The following CELSR2 variants were observed in gnomAD, a reference collection of about 807,000 sequenced individuals.
CELSR2 encodes the protein cadherin EGF LAG seven-pass G-type receptor 2, also known as EGF-like protein 2.
In CELSR2, 81 loss-of-function variants were observed where a neutral mutation model predicts 251.6. That is an observed-to-expected ratio of 0.32 (90% confidence interval 0.27 to 0.39). The LOEUF is 0.39. Ranked by LOEUF, CELSR2 falls within the 10% of genes least tolerant of loss-of-function variation. The probability of loss-of-function intolerance (pLI) is 1.00; values close to 1 mark genes in which losing one functional copy is unlikely to be tolerated. For missense variants in CELSR2, 3,365 were observed against 3,947.7 expected (o/e 0.85, Z 3.96); for synonymous variants, 1,721 against 1,670.5 (o/e 1.03, Z -0.74).
chr1:109,258,814 C>T lies in CELSR2; in HGVS notation c.3693C>T (p.Ile1231=). 1 of 1,611,964 alleles carries T rather than the reference C, an allele frequency of 6.2e-7. No homozygotes were observed. The highest frequency in any genetic ancestry group is 8.5e-7 in the Non-Finnish European group (1 of 1,179,118). Reference sequence around the variant, plus strand: ...GCGTGCTGCCCTTCGACGACAACATCTGCCTGCGGGAGCCCTGCGAGAACT... The same window carrying T: ...GCGTGCTGCCCTTCGACGACAACATTTGCCTGCGGGAGCCCTGCGAGAACT... ...AQRVLPFDDN[I]CLREPCENYM... Residue 1231 remains isoleucine (I), a synonymous_variant, in exon 2 of 34, where the codon ATC becomes ATT. Transcript: ENST00000271332.
chr1:109,255,202 G>A (rs1655811987), intron 1 of CELSR2, among the ~76,000 whole-genome samples: 1 of 152,212 alleles, frequency 6.6e-6, no homozygotes. Context: ...GTGAGGGGGA[G>A]CTGACTCCCA....
At chr1:109,266,561 T>A (rs2101266163) in intron 15 of CELSR2, 1 of 121,146 alleles carries the variant, frequency 8.3e-6, no homozygotes, top group African/African-American at 3.1e-5. Context: ...CCTGGCTAAT[T>A]TTTTTTTTTT....
intron 1 of CELSR2, among the ~76,000 whole-genome samples, chr1:109,257,727 G>A (rs12731760): frequency 0.057 from 8,659 of 152,156 alleles, 335 homozygotes; most frequent in Non-Finnish European, 0.089. Flanking sequence ...CCCCCACCCC[G>A]ACTCACCCTG....
rs772069055 is a variant in CELSR2, at chr1:109,258,691, G to T, written c.3570G>T (p.Pro1190=). ...ILNVSLSVGQ[P]PGPGGGPPFL... Reference sequence around the variant, plus strand: ...ACGTGAGCCTGTCGGTGGGCCAGCCGCCAGGGCCCGGGGGCGGGCCGCCCT... The same window carrying T: ...ACGTGAGCCTGTCGGTGGGCCAGCCTCCAGGGCCCGGGGGCGGGCCGCCCT... The change falls in exon 2 of 34, where the codon CCG becomes CCT. Residue 1190 remains proline (P), a synonymous_variant. Coordinates refer to ENST00000271332, the MANE Select transcript of CELSR2 (RefSeq NM_001408.3). 3 of 1,547,856 alleles carry T rather than the reference G, an allele frequency of 1.9e-6. No individual in the cohort carries two copies. Among genetic ancestry groups the T allele is most frequent in the Non-Finnish European group, 1.7e-6 (2 of 1,145,328 alleles).
At position 109,269,375 on chromosome 1, in the gene CELSR2, C is replaced by G. The variant is rs759152699; in HGVS notation, c.6813-49C>G. The G allele has an allele frequency of 4.3e-6, 7 of 1,609,966 alleles. No individual in the cohort carries two copies. The highest frequency in any genetic ancestry group is 5.9e-6 in the Non-Finnish European group (7 of 1,177,758). On this transcript the variant is annotated intron_variant, in intron 20 of 33. Coordinates refer to ENST00000271332, the MANE Select transcript of CELSR2 (RefSeq NM_001408.3). This position sits in a 1 kb window ranked among gnomAD's most constrained non-coding sequence, Gnocchi z 6.4. ...ATGGAGGGGGTCGGGGGCGTCTCCC[C>G]AGTCATGTGACTGCCGTGGTGACTG... is the stretch of plus-strand genomic sequence containing the variant.
chr1:109,251,265 G>GC lies in CELSR2; in HGVS notation c.1192dup (p.Gln398ProfsTer3), dbSNP rs1655679751. 1 of 1,613,908 alleles carries GC rather than the reference G, an allele frequency of 6.2e-7. No individual in the cohort carries two copies. Among genetic ancestry groups the GC allele is most frequent in the Non-Finnish European group, 8.5e-7 (1 of 1,179,996 alleles). On this transcript the variant is annotated frameshift_variant, in exon 1 of 34. Coordinates refer to ENST00000271332, the MANE Select transcript of CELSR2 (RefSeq NM_001408.3). LOFTEE classifies it high-confidence loss of function. This position sits in a 1 kb window ranked among gnomAD's most constrained non-coding sequence, Gnocchi z 4.9. ...TTCTGTGGAGGATGACAATGATAATGCCCCCCAGTTTAGTGAGAAGCGCTA... is the reference window on the plus strand; with the variant it reads ...TTCTGTGGAGGATGACAATGATAATGCCCCCCCAGTTTAGTGAGAAGCGCTA...
chr1:109,266,247 C>T lies in CELSR2; in HGVS notation c.6013+41C>T, dbSNP rs184760987. The stretch of plus-strand genomic sequence containing the variant: ...CCCGATGTGATGTCGAGGACATGGC[C>T]TCTGCTGTTAGTGGGATGAGGGCAG... On this transcript the variant is annotated intron_variant, in intron 15 of 33. Coordinates refer to ENST00000271332, the MANE Select transcript of CELSR2 (RefSeq NM_001408.3). 505 of 1,605,390 alleles carry T rather than the reference C, an allele frequency of 3.1e-4. 1 individual carries two copies. The African/African-American group carries it at 6.2e-3, about 20-fold the overall frequency.
At position 109,266,130 on chromosome 1, in the gene CELSR2, G is replaced by A. The variant is rs764148863; in HGVS notation, c.5937G>A (p.Ala1979=). Residue 1979 remains alanine, a synonymous_variant, in exon 15 of 34, where the codon GCG becomes GCA. Coordinates refer to ENST00000271332, the MANE Select transcript of CELSR2 (RefSeq NM_001408.3). ...CEVNYDSCPR[A]IEAGIWWPRT... ...TGAATTATGACAGCTGCCCACGAGC[G>A]ATTGAGGCTGGGATCTGGTGGCCCC... is the stretch of plus-strand genomic sequence containing the variant. 29 of 1,613,998 alleles carry A rather than the reference G, an allele frequency of 1.8e-5. No homozygotes were observed. The highest frequency in any genetic ancestry group is 1.6e-4 in the Middle Eastern group (1 of 6,084).
Position 109,273,568 on chromosome 1 carries a change from G to T in CELSR2, c.8642G>T (p.Arg2881Leu), listed in dbSNP as rs761753467. The change falls in exon 33 of 34, where the codon CGC becomes CTC. Residue 2881 changes from arginine (R) to leucine (L), a missense_variant. By Grantham distance (102) the Arg-to-Leu change is moderately radical. This residue lies in a region of CELSR2 where 2,093 missense variants were observed against 2,382.8 expected (regional missense o/e 0.88). Coordinates refer to ENST00000271332, the MANE Select transcript of CELSR2 (RefSeq NM_001408.3). ...SEGSRGGPPP[R>L]PPPRQSLQEQ... Reference sequence around the variant, plus strand: ...GGCAGCCGGGGAGGCCCCCCTCCCCGCCCACCGCCCCGGCAGAGCCTCCAG... The same window carrying T: ...GGCAGCCGGGGAGGCCCCCCTCCCCTCCCACCGCCCCGGCAGAGCCTCCAG... 2 of 1,564,760 alleles carry T rather than the reference G, an allele frequency of 1.3e-6. No individual in the cohort carries two copies. Among genetic ancestry groups the T allele is most frequent in the Non-Finnish European group, 1.7e-6 (2 of 1,155,468 alleles).
Position 109,272,675 on chromosome 1 carries a change from C to T in CELSR2, c.8090C>T (p.Pro2697Leu), listed in dbSNP as rs1359956521. ...GCACTGAACCCTGGCCAAGGGCCCCCTGGCCTGGGGGATCCAGGCAGCCTG... is the reference window on the plus strand; with the variant it reads ...GCACTGAACCCTGGCCAAGGGCCCCTTGGCCTGGGGGATCCAGGCAGCCTG... ...ESALNPGQGP[P>L]GLGDPGSLFL... Residue 2697 changes from proline (P) to leucine (L), a missense_variant, in exon 30 of 34, where the codon CCT becomes CTT. Physicochemically the swap from Pro to Leu is moderately conservative, Grantham distance 98 (BLOSUM62 -3). Coordinates refer to ENST00000271332, the MANE Select transcript of CELSR2 (RefSeq NM_001408.3). The T allele has an allele frequency of 4.3e-6, 7 of 1,613,846 alleles. No individual in the cohort carries two copies. The highest frequency in any genetic ancestry group is 5.9e-6 in the Non-Finnish European group (7 of 1,179,958).
At chr1:109,267,784 C>A (rs1235614177) in intron 16 of CELSR2, 67 bp from the exon 17 acceptor site, 2 of 1,576,572 alleles carry the variant, frequency 1.3e-6, no homozygotes, top group Admixed American at 3.4e-5. Context: ...CCGTCTCTCA[C>A]CTCCTGAGGT....
At position 109,268,687 on chromosome 1, in the gene CELSR2, A is replaced by G; in HGVS notation, c.6425A>G (p.Glu2142Gly). The G allele has an allele frequency of 6.2e-7, 1 of 1,614,074 alleles. No individual in the cohort carries two copies. Among genetic ancestry groups the G allele is most frequent in the Non-Finnish European group, 8.5e-7 (1 of 1,179,970 alleles). ...ACCGCCTGGCTGCTCCAGCACTATG[A>G]GGCCTACGCCAGTGCCCTGGCCCAG... ...GGTAWLLQHY[E>G]AYASALAQNM... is the part of the protein sequence containing the mutation. The change falls in exon 18 of 34, where the codon GAG (glutamate) becomes GGG (glycine). Residue 2142 changes from glutamate (E) to glycine (G), a missense_variant. Physicochemically the swap from Glu to Gly is moderately conservative, Grantham distance 98. Around this residue, in one of 5 missense-constraint regions of CELSR2, gnomAD observed 2,093 missense variants for 2,382.8 expected, o/e 0.88. Transcript: ENST00000271332.
rs1204871455 is a variant in CELSR2, at chr1:109,270,042, C to T, written c.7217C>T (p.Ser2406Phe). 6.2e-7 allele frequency: 1 copy of T among 1,614,126 alleles called. No individual in the cohort carries two copies. Among genetic ancestry groups the T allele is most frequent in the Non-Finnish European group, 8.5e-7 (1 of 1,180,020 alleles). Residue 2406 changes from serine to phenylalanine, a missense_variant, in exon 23 of 34, where the codon TCC becomes TTC. Coordinates refer to ENST00000271332, the MANE Select transcript of CELSR2 (RefSeq NM_001408.3). ...FFLTLLRILR[S>F]NQHGIRRNLT... ...CTCACTCTCTTGCGTATCCTGCGCT[C>T]CAACCAACACGGCATCCGACGTAAC...
chr1:109,265,070 C>G, intron 12 of CELSR2, 61 bp downstream of exon 12: 12 of 1,605,522 alleles, frequency 7.5e-6, no homozygotes, highest in Non-Finnish European at 9.4e-6. Flanking sequence ...TCTGGTGTGT[C>G]CCTCAGAGCC....
rs1656282345 is a variant in CELSR2, at chr1:109,268,869, C to T, written c.6503-11C>T. 2 of 1,597,950 alleles carry T rather than the reference C, an allele frequency of 1.3e-6. No individual in the cohort carries two copies. Among genetic ancestry groups the T allele is most frequent in the Non-Finnish European group, 1.7e-6 (2 of 1,167,540 alleles). On this transcript the variant is annotated splice_polypyrimidine_tract_variant and intron_variant, in intron 18 of 33. Transcript: ENST00000271332. ...CTCACAGGTCCGATCTGTGACCATC[C>T]CCTTCCTTAGTCATCTCCGTAGTGC...
rs202054206 is a variant in CELSR2, at chr1:109,251,186, A to C, written c.1107A>C (p.Ala369=). The change falls in exon 1 of 34, where the codon GCA becomes GCC. Residue 369 remains alanine, a synonymous_variant. Transcript: ENST00000271332. The surrounding 1 kb of genome is among the most constrained non-coding windows in gnomAD (Gnocchi z 4.9). ...AATCCTACCAGCTGACGGTAGAGGCAAGTGACCAGGGTCGGGACCCGGGTC... is the reference window on the plus strand; with the variant it reads ...AATCCTACCAGCTGACGGTAGAGGCCAGTGACCAGGGTCGGGACCCGGGTC... The part of the protein sequence containing the change: ...EVESYQLTVE[A]SDQGRDPGPR... 3.3e-5 allele frequency: 54 copies of C among 1,613,726 alleles called. No homozygotes were observed. In the East Asian group the frequency reaches 1.1e-3, roughly 33 times the overall value.
intron 25 of CELSR2, 64 bp downstream of exon 25, chr1:109,271,103 G>T: frequency 6.6e-7 from 1 of 1,517,448 alleles, no homozygotes; most frequent in Non-Finnish European, 9.1e-7. Flanking sequence ...CCTGCTGCTG[G>T]GGCCGCGTGT....
rs781318293 is a variant in CELSR2 at position 109,271,604 on chromosome 1, C to T, written c.7808C>T (p.Pro2603Leu). The change falls in exon 28 of 34, where the codon CCC (proline) becomes CTC (leucine). Residue 2603 changes from proline to leucine, a missense_variant. Physicochemically the swap from Pro to Leu is moderately conservative, Grantham distance 98 (BLOSUM62 -3). Coordinates refer to ENST00000271332, the MANE Select transcript of CELSR2 (RefSeq NM_001408.3). ...LFATCNCIQG[P>L]FIFLSYVVLS... ...TTGCTGCCTCTTGCCTGCCAGGGCC[C>T]CTTCATCTTCCTCTCCTATGTGGTG... 1 of 1,614,134 alleles carries T rather than the reference C, an allele frequency of 6.2e-7. No individual in the cohort carries two copies. The highest frequency in any genetic ancestry group is 8.5e-7 in the Non-Finnish European group (1 of 1,180,046).
In CELSR2 at chr1:109,251,858, G is replaced by C; in HGVS notation, c.1779G>C (p.Ser593=). The change falls in exon 1 of 34, where the codon TCG becomes TCC. Residue 593 remains serine (S), a synonymous_variant. Transcript: ENST00000271332. This position sits in a 1 kb window ranked among gnomAD's most constrained non-coding sequence, Gnocchi z 4.9. ...ATGGCACTCCAGCACTCACTGCCTCGGCCAGTGTCAGCGTGACTGTCCTGG... is the reference window on the plus strand; with the variant it reads ...ATGGCACTCCAGCACTCACTGCCTCCGCCAGTGTCAGCGTGACTGTCCTGG... ...RDHGTPALTA[S]ASVSVTVLDV... 1 of 1,614,046 alleles carries C rather than the reference G, an allele frequency of 6.2e-7. No individual in the cohort carries two copies. The highest frequency in any genetic ancestry group is 8.5e-7 in the Non-Finnish European group (1 of 1,180,000).
Sources: gnomAD v4.1 joint callset for allele counts (sites outside exome capture counted in the v4.1 genomes callset) on GRCh38, gnomAD v4.1.1 for gene constraint, gnomAD v4.1.1 regional missense constraint, Gnocchi (gnomAD v3.1) non-coding constraint, MANE v1.5 for transcripts, NCBI Gene and HGNC (gene_info 2026-07-23, HGNC 2026-07-21) for gene names.